HEPACAM: variants seen among roughly 807,000 people sequenced by gnomAD.
The protein encoded by HEPACAM is hepatocyte cell adhesion molecule.
Under a neutral mutation model 38.3 loss-of-function variants are expected in HEPACAM, and 18 were observed. The observed-to-expected ratio is 0.47, with a 90% confidence interval of 0.33 to 0.70. The LOEUF (loss-of-function observed/expected upper bound fraction) is 0.70, where lower values mean the gene tolerates loss of function less well. Ranked by LOEUF, HEPACAM falls within the 30% of genes least tolerant of loss-of-function variation. The pLI is 0.03. For missense variants in HEPACAM, 466 were observed against 563.0 expected, an observed-to-expected ratio of 0.83 and a Z score of 1.74; for synonymous variants, 216 against 243.1, an observed-to-expected ratio of 0.89 and a Z score of 1.04.
chr11:124,929,648 T>C (rs1478924125), intron 1 of HEPACAM, among the ~76,000 whole-genome samples: 1 of 152,080 alleles, frequency 6.6e-6, no homozygotes, highest in Non-Finnish European at 1.5e-5. Flanking sequence ...CACCAGAGGC[T>C]GAAGAAAAGG....
rs1947124305 is a variant in HEPACAM, at chr11:124,920,968, G to T, written c.*170C>A. 1 of 1,359,978 alleles carries T rather than the reference G, an allele frequency of 7.4e-7. No individual in the cohort carries two copies. Among genetic ancestry groups the T allele is most frequent in the Non-Finnish European group, 9.4e-7 (1 of 1,059,820 alleles). 84.2% of individuals were successfully genotyped at this position (1,359,978 alleles called of 1,614,324 possible). ...ACCATATCAACACTGCCGCCTCCGCGCACCCGCCTCCGTCTGCGCATGCTC... is the reference window on the plus strand; with the variant it reads ...ACCATATCAACACTGCCGCCTCCGCTCACCCGCCTCCGTCTGCGCATGCTC... On this transcript the variant is annotated 3_prime_UTR_variant, in exon 7 of 7. Coordinates refer to ENST00000298251, the MANE Select transcript of HEPACAM (RefSeq NM_152722.5).
At chr11:124,929,735 G>A (rs536710538) in intron 1 of HEPACAM, among the ~76,000 whole-genome samples, 1 of 152,220 alleles carries the variant, frequency 6.6e-6, no homozygotes, top group Admixed American at 6.5e-5. Flanking sequence ...CACTCCTCAA[G>A]TAGGATTTTG....
chr11:124,919,755 G>A lies in HEPACAM; in HGVS notation c.*1383C>T, dbSNP rs1555053831. On this transcript the variant is annotated 3_prime_UTR_variant, in exon 7 of 7. Transcript: ENST00000298251. ...ACTTGACCTGGTGTGGAGGTGATGG[G>A]TAACTGGGGCCTTGGAATTGCTCCA... 6.2e-7 allele frequency: 1 copy of A among 1,613,710 alleles called. No homozygotes were observed. Among genetic ancestry groups the A allele is most frequent in the South Asian group, 1.1e-5 (1 of 91,068 alleles).
Position 124,920,922 on chromosome 11 carries a change from A to C in HEPACAM, c.*216T>G, listed in dbSNP as rs1947123063. On this transcript the variant is annotated 3_prime_UTR_variant, in exon 7 of 7. Transcript: ENST00000298251. ...AGTGAGGACACAGCCAGTAAACCGG[A>C]AGCAAATGCGACCCGGTTTCACCAT... The C allele has an allele frequency of 2.2e-6, 3 of 1,353,418 alleles. No homozygotes were observed. Among genetic ancestry groups the C allele is most frequent in the Non-Finnish European group, 9.5e-7 (1 of 1,055,980 alleles). 83.8% of individuals were successfully genotyped at this position (1,353,418 alleles called of 1,614,324 possible).
At chr11:124,927,494 C>A (rs1020724320) in intron 1 of HEPACAM, among the ~76,000 whole-genome samples, 1 of 149,696 alleles carries the variant, frequency 6.7e-6, no homozygotes, top group African/African-American at 2.5e-5. Flanking sequence ...AGGCATGTGC[C>A]ACTATGCCCA....
chr11:124,920,741 G>C lies in HEPACAM; in HGVS notation c.*397C>G. 1 of 1,057,346 alleles carries C rather than the reference G, an allele frequency of 9.5e-7. No individual in the cohort carries two copies. Among genetic ancestry groups the C allele is most frequent in the Non-Finnish European group, 1.1e-6 (1 of 877,408 alleles). 65.5% of individuals were successfully genotyped at this position (1,057,346 alleles called of 1,614,324 possible). A position where few individuals can be genotyped will look rare whatever the true frequency, so the allele number is the denominator to read the frequency against. Reference sequence around the variant, plus strand: ...CAGCACTCAGGCATTTGTTCAGAGGGAAGGGTGGTGGGTGGGAAACAACAC... The same window carrying C: ...CAGCACTCAGGCATTTGTTCAGAGGCAAGGGTGGTGGGTGGGAAACAACAC... On this transcript the variant is annotated 3_prime_UTR_variant, in exon 7 of 7. Transcript: ENST00000298251.
At position 124,927,530 on chromosome 11, in the gene HEPACAM, T is replaced by G. The variant is rs538636993; in HGVS notation, c.86-2461A>C. On this transcript the variant is annotated intron_variant, in intron 1 of 6. Transcript: ENST00000298251. ...GCTAGGTTTTTTTTTTTTGTTTTTT[T>G]TTTTTTGTATTTTTTTGTAGAAACG... 2.9e-3 allele frequency among the ~76,000 whole-genome samples: 417 copies of G among 144,064 alleles called. 8 individuals are homozygous for G. The highest frequency in any genetic ancestry group is 0.01 in the African/African-American group (390 of 38,702). 94.5% of individuals were successfully genotyped at this position (144,064 alleles called of 152,430 possible).
rs143875728 is a variant in HEPACAM, at chr11:124,926,970, G to A, written c.86-1901C>T. On this transcript the variant is annotated intron_variant, in intron 1 of 6. Transcript: ENST00000298251. ...TGCAAGCTCCGCCTCCCAGGTTCAC[G>A]CCATTCTCCTGCCTCAGCCTCCTCA... Among the ~76,000 whole-genome samples, 1,209 of 152,158 alleles carry A rather than the reference G, an allele frequency of 7.9e-3. 16 individuals carry two copies. Among genetic ancestry groups the A allele is most frequent in the African/African-American group, 0.028 (1,156 of 41,486 alleles).
chr11:124,929,434 G>A (rs929317272), intron 1 of HEPACAM, among the ~76,000 whole-genome samples: 2 of 152,158 alleles, frequency 1.3e-5, no homozygotes, highest in African/African-American at 2.4e-5. Context: ...AGCCAAAATC[G>A]TACTCTGTAT....
rs554825783 is a variant in HEPACAM, at chr11:124,919,494, A to G, written c.*1644T>C. Reference sequence around the variant, plus strand: ...CCTGTGCATCTCAAGGCTGACCAGCAGGTACTCCTTATCCAAGTCCTGCTG... The same window carrying G: ...CCTGTGCATCTCAAGGCTGACCAGCGGGTACTCCTTATCCAAGTCCTGCTG... On this transcript the variant is annotated 3_prime_UTR_variant, in exon 7 of 7. Transcript: ENST00000298251. 1.9e-6 allele frequency: 1 copy of G among 533,898 alleles called. No individual in the cohort carries two copies. The allele number at this position is 533,898 out of a possible 1,614,324, so 33.1% of individuals were successfully genotyped here. A position where few individuals can be genotyped will look rare whatever the true frequency, so the allele number is the denominator to read the frequency against.
At chr11:124,935,877 C>G in intron 1 of HEPACAM, 45 bp downstream of exon 1, 1 of 1,560,302 alleles carries the variant, frequency 6.4e-7, no homozygotes, top group East Asian at 2.2e-5. Flanking sequence ...CTGTAAAAGC[C>G]CCGGGTCCTT....
At chr11:124,933,124 C>T (rs188102167) in intron 1 of HEPACAM, among the ~76,000 whole-genome samples, 1 of 152,240 alleles carries the variant, frequency 6.6e-6, no homozygotes, top group African/African-American at 2.4e-5. Context: ...CCAGCACTTA[C>T]CTCTTATCTA....
intron 1 of HEPACAM, among the ~76,000 whole-genome samples, chr11:124,927,890 C>G (rs1947237746): frequency 6.6e-6 from 1 of 151,800 alleles, no homozygotes; most frequent in African/African-American, 2.4e-5. Context: ...GACTCTCTCT[C>G]AAAAAATAAA....
At chr11:124,922,200 A>G (rs931133344) in intron 6 of HEPACAM, among the ~76,000 whole-genome samples, 188 bp downstream of exon 6, 2 of 152,230 alleles carry the variant, frequency 1.3e-5, no homozygotes, top group African/African-American at 4.8e-5. Flanking sequence ...GAAGTGGAAC[A>G]GTTTCATCCT....
intron 4 of HEPACAM, among the ~76,000 whole-genome samples, chr11:124,923,123 AGGT>A (rs956288249): frequency 6.6e-6 from 1 of 152,206 alleles, no homozygotes; most frequent in Admixed American, 6.5e-5. Context: ...GTCCCAAAAA[AGGT>A]GGTTGGCCAG....
At position 124,921,707 on chromosome 11, in the gene HEPACAM, T is replaced by G. The variant is rs754971361; in HGVS notation, c.949-267A>C. On this transcript the variant is annotated intron_variant, in intron 6 of 6. Coordinates refer to ENST00000298251, the MANE Select transcript of HEPACAM (RefSeq NM_152722.5). The surrounding 1 kb of genome is among the most constrained non-coding windows in gnomAD (Gnocchi z 4.6). ...TTTACTCTCCTCTTTCCACCCGTCGTGGACAGCCTGGGACAGTTAGTTGTG... is the reference window on the plus strand; with the variant it reads ...TTTACTCTCCTCTTTCCACCCGTCGGGGACAGCCTGGGACAGTTAGTTGTG... 6.7e-5 allele frequency among the ~76,000 whole-genome samples: 10 copies of G among 149,604 alleles called. No homozygotes were observed. Among genetic ancestry groups the G allele is most frequent in the Non-Finnish European group, 1.5e-4 (10 of 67,842 alleles).
In HEPACAM at chr11:124,920,573, C is replaced by A; in HGVS notation, c.*565G>T. 1 of 1,310,928 alleles carries A rather than the reference C, an allele frequency of 7.6e-7. No homozygotes were observed. The highest frequency in any genetic ancestry group is 1.5e-5 in the African/African-American group (1 of 66,688). The allele number at this position is 1,310,928 out of a possible 1,614,324, so 81.2% of individuals were successfully genotyped here. On this transcript the variant is annotated 3_prime_UTR_variant, in exon 7 of 7. Transcript: ENST00000298251. ...GGAAGAAGGCCTTCACAATGATCCC[C>A]CCAGCTCAGAACAGCCCCTGCACAC... is the stretch of plus-strand genomic sequence containing the variant.
chr11:124,919,383 G>A lies in HEPACAM; in HGVS notation c.*1755C>T. 1 of 242,654 alleles carries A rather than the reference G, an allele frequency of 4.1e-6. No individual in the cohort carries two copies. The highest frequency in any genetic ancestry group is 7.9e-6 in the Non-Finnish European group (1 of 126,562). The allele number at this position is 242,654 out of a possible 1,614,324, so 15.0% of individuals were successfully genotyped here. A position where few individuals can be genotyped will look rare whatever the true frequency, so the allele number is the denominator to read the frequency against. ...TTACCCCTCCCCACCCCCAATTTAAGGCAGATTTGGCTTAAGCCTGGCAAG... is the reference window on the plus strand; with the variant it reads ...TTACCCCTCCCCACCCCCAATTTAAAGCAGATTTGGCTTAAGCCTGGCAAG... On this transcript the variant is annotated 3_prime_UTR_variant, in exon 7 of 7. Coordinates refer to ENST00000298251, the MANE Select transcript of HEPACAM (RefSeq NM_152722.5).
rs753781550 is a variant in HEPACAM at position 124,921,291 on chromosome 11, C to T, written c.1098G>A (p.Ala366=). 7.6e-7 allele frequency: 1 copy of T among 1,312,396 alleles called. No individual in the cohort carries two copies. The highest frequency in any genetic ancestry group is 2.3e-5 in the South Asian group (1 of 43,986). 81.3% of individuals were successfully genotyped at this position (1,312,396 alleles called of 1,614,324 possible). ...RSARRYPRSP[A]RSPATGRTHS... ...GTGTCCGGCCGGTGGCTGGGGAGCG[C>T]GCTGGGGAGCGCGGGTAGCGGCGGG... Residue 366 remains alanine (A), a synonymous_variant, in exon 7 of 7, where the codon GCG becomes GCA. Coordinates refer to ENST00000298251, the MANE Select transcript of HEPACAM (RefSeq NM_152722.5). The surrounding 1 kb of genome is among the most constrained non-coding windows in gnomAD (Gnocchi z 4.6).
Sources: gnomAD v4.1 joint callset for allele counts (sites outside exome capture counted in the v4.1 genomes callset) on GRCh38, gnomAD v4.1.1 for gene constraint, Gnocchi (gnomAD v3.1) non-coding constraint, MANE v1.5 for transcripts, NCBI Gene and HGNC (gene_info 2026-07-23, HGNC 2026-07-21) for gene names.